Variants in TMCC2 observed in about 807,000 individuals in gnomAD.
The protein encoded by TMCC2 is transmembrane and coiled-coil domain family 2, also known as transmembrane and coiled-coil domains protein 2.
TMCC2 carries 16 observed loss-of-function variants against 49.4 expected under a neutral mutation model. The observed-to-expected ratio is 0.32, with a 90% CI of 0.22 to 0.49. TMCC2 has a LOEUF of 0.49. Ranked by LOEUF, TMCC2 falls within the 20% of genes least tolerant of loss-of-function variation. The pLI is 0.99. For missense variants in TMCC2, 762 were observed against 989.8 expected (o/e 0.77, Z 3.09); for synonymous variants, 397 against 434.1 (o/e 0.91, Z 1.06).
chr1:205,268,074 G>A (rs1180355557), intron 2 of TMCC2: 17 of 985,314 alleles, frequency 1.7e-5, no homozygotes, highest in Non-Finnish European at 1.8e-5. Flanking sequence ...TGGAGGGCCT[G>A]GGAGAGGTGT....
intron 1 of TMCC2, among the ~76,000 whole-genome samples, chr1:205,232,247 C>T (rs1659828035): frequency 6.6e-6 from 1 of 152,180 alleles, no homozygotes; most frequent in African/African-American, 2.4e-5. Flanking sequence ...TAAAAATGGA[C>T]ATTGCCTCAC....
chr1:205,270,979 C>T, intron 3 of TMCC2, 141 bp from the exon 4 acceptor site: 1 of 1,169,184 alleles, frequency 8.6e-7, no homozygotes, highest in South Asian at 1.6e-5. Context: ...ATTGTTGTTG[C>T]TGTTAAAATT....
intron 2 of TMCC2, among the ~76,000 whole-genome samples, chr1:205,260,852 C>T (rs1042997869): frequency 4.6e-5 from 7 of 152,140 alleles, no homozygotes; most frequent in Admixed American, 2.0e-4. Flanking sequence ...GGAGCATTAC[C>T]GGCACTTTGT....
intron 2 of TMCC2, among the ~76,000 whole-genome samples, chr1:205,258,274 G>A (rs1660959960): frequency 6.6e-6 from 1 of 152,096 alleles, no homozygotes; most frequent in South Asian, 2.1e-4. Context: ...AGTAGAGCGA[G>A]ATGCCTTTTA....
At chr1:205,244,966 A>G (rs1382799774) in intron 2 of TMCC2, among the ~76,000 whole-genome samples, 1 of 152,212 alleles carries the variant, frequency 6.6e-6, no homozygotes, top group Non-Finnish European at 1.5e-5. Flanking sequence ...GTATACTCAT[A>G]GAGCATGACA....
At position 205,272,323 on chromosome 1, in the gene TMCC2, C is replaced by T. The variant is rs1661634124; in HGVS notation, c.*199C>T. The T allele has an allele frequency of 4.4e-6, 5 of 1,127,722 alleles. No homozygotes were observed. In the Admixed American group the frequency reaches 1.5e-4, roughly 33 times the overall value. The allele number at this position is 1,127,722 out of a possible 1,614,324, so 69.9% of individuals were successfully genotyped here. A position where few individuals can be genotyped will look rare whatever the true frequency, so the allele number is the denominator to read the frequency against. On this transcript the variant is annotated 3_prime_UTR_variant, in exon 5 of 5. Coordinates refer to ENST00000358024, the MANE Select transcript of TMCC2 (RefSeq NM_014858.4). Reference sequence around the variant, plus strand: ...GCCTGAAGGGAGCTTAGAATGCAGCCCTACCTGGAGATAGTGCGGGCACCT... The same window carrying T: ...GCCTGAAGGGAGCTTAGAATGCAGCTCTACCTGGAGATAGTGCGGGCACCT...
intron 2 of TMCC2, among the ~76,000 whole-genome samples, chr1:205,248,067 A>G (rs1660522572): frequency 6.6e-6 from 1 of 152,164 alleles, no homozygotes; most frequent in Non-Finnish European, 1.5e-5. Flanking sequence ...GTTGTCTTTG[A>G]GGTTGTGCCT....
intron 2 of TMCC2, among the ~76,000 whole-genome samples, chr1:205,261,690 A>AT (rs1661122116): frequency 6.6e-6 from 1 of 151,862 alleles, no homozygotes; most frequent in Admixed American, 6.6e-5. Flanking sequence ...AAAAAAAAAA[A>AT]ATTATTATAG....
intron 1 of TMCC2, among the ~76,000 whole-genome samples, chr1:205,231,158 G>T (rs1030149156): frequency 6.6e-6 from 1 of 151,888 alleles, no homozygotes; most frequent in Non-Finnish European, 1.5e-5. Context: ...GTTTACTACC[G>T]GGTGCAAGGG....
intron 2 of TMCC2, among the ~76,000 whole-genome samples, chr1:205,258,541 T>C (rs1223488121): frequency 6.6e-6 from 1 of 151,648 alleles, no homozygotes; most frequent in Non-Finnish European, 1.5e-5. Context: ...AGCACCCGGG[T>C]CAGCTGTGAT....
At chr1:205,242,712 C>A (rs917654485) in intron 2 of TMCC2, among the ~76,000 whole-genome samples, 22 of 152,200 alleles carry the variant, frequency 1.4e-4, no homozygotes, top group African/African-American at 5.3e-4. Context: ...AGAGGGGGTA[C>A]AAGTGGGTGA....
At position 205,272,319 on chromosome 1, in the gene TMCC2, C is replaced by A; in HGVS notation, c.*195C>A. The stretch of plus-strand genomic sequence containing the variant: ...GTTGGCCTGAAGGGAGCTTAGAATG[C>A]AGCCCTACCTGGAGATAGTGCGGGC... On this transcript the variant is annotated 3_prime_UTR_variant, in exon 5 of 5. Transcript: ENST00000358024. 1 of 1,152,618 alleles carries A rather than the reference C, an allele frequency of 8.7e-7. No homozygotes were observed. Among genetic ancestry groups the A allele is most frequent in the Non-Finnish European group, 1.2e-6 (1 of 843,844 alleles). 71.4% of individuals were successfully genotyped at this position (1,152,618 alleles called of 1,614,324 possible). A position where few individuals can be genotyped will look rare whatever the true frequency, so the allele number is the denominator to read the frequency against.
intron 2 of TMCC2, among the ~76,000 whole-genome samples, chr1:205,244,461 T>C (rs79079060): frequency 6.6e-6 from 1 of 152,142 alleles, no homozygotes; most frequent in Non-Finnish European, 1.5e-5. Context: ...CAAGTGTTTA[T>C]TGAGAGCAGG....
At chr1:205,237,054 A>G (rs143389098) in intron 1 of TMCC2, among the ~76,000 whole-genome samples, 13 of 152,072 alleles carry the variant, frequency 8.5e-5, no homozygotes, top group Admixed American at 2.6e-4. Context: ...TTAAAATTTC[A>G]TCTGTGAGGC....
chr1:205,266,102 A>G (rs1051595426), intron 2 of TMCC2, among the ~76,000 whole-genome samples: 24 of 150,882 alleles, frequency 1.6e-4, no homozygotes, highest in African/African-American at 5.1e-4. Flanking sequence ...TTAGCCGGGC[A>G]TGGTGGCAGG....
chr1:205,271,127 C>T lies in TMCC2; in HGVS notation c.1690C>T (p.Arg564Trp), dbSNP rs769247358. 1.7e-5 allele frequency: 27 copies of T among 1,612,488 alleles called. No homozygotes were observed. Among genetic ancestry groups the T allele is most frequent in the Middle Eastern group, 2.0e-4 (1 of 4,964 alleles). ...TCTCTCTCCCTCCGCCAGGTACGAG[C>T]GGCTGGAGGAGCAGCTCAACGACCT... The part of the protein sequence containing the change: ...CLQEERYRYE[R>W]LEEQLNDLTE... Residue 564 changes from arginine to tryptophan, a missense_variant, in exon 4 of 5, where the codon CGG becomes TGG. This residue lies in a region of TMCC2 where 440 missense variants were observed against 636.7 expected (regional missense o/e 0.69). Transcript: ENST00000358024.
chr1:205,271,057 A>C, intron 3 of TMCC2, 63 bp from the exon 4 acceptor site: 3 of 1,592,284 alleles, frequency 1.9e-6, no homozygotes, highest in Non-Finnish European at 8.6e-7. Context: ...GAATGAATCA[A>C]CTGTGGGAGA....
At position 205,240,721 on chromosome 1, in the gene TMCC2, T is replaced by G. The variant is rs187017339; in HGVS notation, c.208-784T>G. 1.3e-4 allele frequency among the ~76,000 whole-genome samples: 20 copies of G among 152,272 alleles called. No homozygotes were observed. In the East Asian group the frequency reaches 2.1e-3, roughly 16 times the overall value. ...ACCCTCATCGTCAACCATGTCATCT[T>G]GTGGTTGCAGAATGGCCACTGCATC... On this transcript the variant is annotated intron_variant, in intron 1 of 4. Coordinates refer to ENST00000358024, the MANE Select transcript of TMCC2 (RefSeq NM_014858.4).
At chr1:205,230,121 C>G in intron 1 of TMCC2, 2 of 985,512 alleles carry the variant, frequency 2.0e-6, no homozygotes, top group Non-Finnish European at 2.4e-6. Flanking sequence ...AAGCCAATGC[C>G]ATTCCTCATT....
Sources: allele counts gnomAD v4.1 joint callset (sites outside exome capture counted in the v4.1 genomes callset), GRCh38; gene constraint gnomAD v4.1.1; regional missense constraint gnomAD v4.1.1; transcripts MANE v1.5; gene names NCBI Gene and HGNC (gene_info 2026-07-23, HGNC 2026-07-21).